Variants in MPHOSPH8 observed in about 807,000 individuals in gnomAD.
MPHOSPH8 encodes the protein M-phase phosphoprotein, mpp.
Under a neutral mutation model 87.3 loss-of-function variants are expected in MPHOSPH8, and 45 were observed. The observed-to-expected ratio is 0.52, with a 90% CI of 0.41 to 0.66. The LOEUF (loss-of-function observed/expected upper bound fraction) is 0.66. MPHOSPH8 is among the 30% of genes least tolerant of loss of function. The pLI, the probability that MPHOSPH8 is intolerant of heterozygous loss-of-function variation, is 0.00. For missense variants in MPHOSPH8, 883 were observed against 1,020.2 expected (o/e 0.87, Z 1.83); for synonymous variants, 366 against 376.9 (o/e 0.97, Z 0.33).
At chr13:19,635,514 G>T (rs1337362933) in intron 1 of MPHOSPH8, among the ~76,000 whole-genome samples, 1 of 152,012 alleles carries the variant, frequency 6.6e-6, no homozygotes. Context: ...GGCGACAGAG[G>T]GAGACTCCGT....
At chr13:19,671,625 G>A (rs1876132021) in intron 13 of MPHOSPH8, among the ~76,000 whole-genome samples, 1 of 152,170 alleles carries the variant, frequency 6.6e-6, no homozygotes, top group Non-Finnish European at 1.5e-5. Flanking sequence ...GGACAAAATA[G>A]TCTCTCTAAT....
rs1003219793 is a variant in MPHOSPH8 at position 19,650,074 on chromosome 13, A to G, written c.1390A>G (p.Asn464Asp). The G allele has an allele frequency of 1.2e-6, 2 of 1,612,446 alleles. No individual in the cohort carries two copies. Among genetic ancestry groups the G allele is most frequent in the African/African-American group, 2.7e-5 (2 of 74,788 alleles). Residue 464 changes from asparagine to aspartate, a missense_variant, in exon 5 of 14, where the codon AAT becomes GAT. By Grantham distance (23) the Asn-to-Asp change is conservative. Transcript: ENST00000361479. ...TPEEKNDVSENNRKREEIPLD... is the reference protein window; with the variant it reads ...TPEEKNDVSEDNRKREEIPLD... Reference sequence around the variant, plus strand: ...AGAAGAAAAAAATGATGTTTCTGAGAATAATCGGAAAAGGGAAGAAATACC... The same window carrying G: ...AGAAGAAAAAAATGATGTTTCTGAGGATAATCGGAAAAGGGAAGAAATACC...
intron 5 of MPHOSPH8, among the ~76,000 whole-genome samples, chr13:19,651,653 C>T (rs575601429): frequency 1.3e-5 from 2 of 152,136 alleles, no homozygotes; most frequent in African/African-American, 2.4e-5. Flanking sequence ...AAGATTGTAC[C>T]TGTGAATAGC....
intron 5 of MPHOSPH8, among the ~76,000 whole-genome samples, chr13:19,655,427 CA>C (rs1484893670): frequency 2.0e-4 from 30 of 152,186 alleles, no homozygotes; most frequent in African/African-American, 7.0e-4. Flanking sequence ...ATGATAACAC[CA>C]CTGTACTCCA....
At chr13:19,666,877 C>G (rs547977094) in intron 10 of MPHOSPH8, among the ~76,000 whole-genome samples, 4 of 152,250 alleles carry the variant, frequency 2.6e-5, no homozygotes, top group African/African-American at 9.6e-5. Flanking sequence ...AACATTTAAA[C>G]TTGGCCGGGC....
chr13:19,650,143 A>C lies in MPHOSPH8; in HGVS notation c.1459A>C (p.Lys487Gln). 6.2e-7 allele frequency: 1 copy of C among 1,614,182 alleles called. No homozygotes were observed. Among genetic ancestry groups the C allele is most frequent in the Non-Finnish European group, 8.5e-7 (1 of 1,180,022 alleles). ...AGACGATCACAAAACCAAGGAAAAC[A>C]AACAGTCACTTAAAGAAAGGAGAAA... ...TIDDHKTKEN[K>Q]QSLKERRNTR... Residue 487 changes from lysine (K) to glutamine (Q), a missense_variant, in exon 5 of 14, where the codon AAA becomes CAA. Transcript: ENST00000361479.
intron 5 of MPHOSPH8, among the ~76,000 whole-genome samples, chr13:19,654,900 A>C (rs926514746): frequency 3.9e-5 from 6 of 152,128 alleles, no homozygotes; most frequent in African/African-American, 1.4e-4. Context: ...GTGAGCTGAG[A>C]TGAAACCATT....
rs759629606 is a variant in MPHOSPH8, at chr13:19,633,909, A to G, written c.161A>G (p.Asp54Gly). ...GAEAFGDSEE[D>G]GEDVFEVEKI... ...GAGGCCTTTGGCGACAGTGAGGAGG[A>G]CGGAGAGGATGTGTTCGAGGTGGAG... Residue 54 changes from aspartate to glycine, a missense_variant, in exon 1 of 14, where the codon GAC becomes GGC. Physicochemically the swap from Asp to Gly is moderately conservative, Grantham distance 94 (BLOSUM62 -1). Transcript: ENST00000361479. The G allele has an allele frequency of 2.5e-6, 4 of 1,611,622 alleles. No homozygotes were observed. In the South Asian group the frequency reaches 3.3e-5, roughly 13 times the overall value.
intron 5 of MPHOSPH8, among the ~76,000 whole-genome samples, chr13:19,652,469 C>T (rs568134767): frequency 1.3e-5 from 2 of 152,304 alleles, no homozygotes; most frequent in African/African-American, 4.8e-5. Context: ...GCTATGCCGC[C>T]AGGGCCCTGG....
At chr13:19,646,362 C>G (rs528394722) in intron 2 of MPHOSPH8, 81 bp from the exon 3 acceptor site, 2 of 1,173,898 alleles carry the variant, frequency 1.7e-6, no homozygotes, top group Non-Finnish European at 2.2e-6. Flanking sequence ...AATATTCTTA[C>G]CAAATTTCAT....
intron 10 of MPHOSPH8, among the ~76,000 whole-genome samples, 153 bp from the exon 11 acceptor site, chr13:19,668,224 C>G (rs1198202030): frequency 6.6e-6 from 1 of 152,198 alleles, no homozygotes; most frequent in Non-Finnish European, 1.5e-5. Flanking sequence ...ACATGGGTGT[C>G]AGGTGCTTGG....
rs1244413323 is a variant in MPHOSPH8, at chr13:19,668,538, C to T, written c.2329+7C>T. 10 of 1,610,462 alleles carry T rather than the reference C, an allele frequency of 6.2e-6. No homozygotes were observed. The Middle Eastern group carries it at 5.0e-4, about 80-fold the overall frequency. ...CCACAGAACATACCAGAAGGTAAGC[C>T]GATGCCTCCCTTCACACTTTTCTAT... On this transcript the variant is annotated splice_region_variant and intron_variant, in intron 11 of 13. Transcript: ENST00000361479.
At chr13:19,662,371 C>T (rs1048776569) in intron 8 of MPHOSPH8, among the ~76,000 whole-genome samples, 2 of 151,982 alleles carry the variant, frequency 1.3e-5, no homozygotes, top group East Asian at 3.9e-4. Context: ...GCAATCCTCT[C>T]GCCTCAGCCT....
At chr13:19,651,624 T>C (rs1874856163) in intron 5 of MPHOSPH8, among the ~76,000 whole-genome samples, 1 of 150,570 alleles carries the variant, frequency 6.6e-6, no homozygotes, top group Admixed American at 6.6e-5. Flanking sequence ...AGCCCAGGAG[T>C]TTGAGGCTAT....
rs927182881 is a variant in MPHOSPH8, at chr13:19,642,422, T to C, written c.369+152T>C. The C allele has an allele frequency of 6.2e-6, 4 of 648,978 alleles. No homozygotes were observed. In the Admixed American group the frequency reaches 1.2e-4, roughly 20 times the overall value. The allele number at this position is 648,978 out of a possible 1,614,324, so 40.2% of individuals were successfully genotyped here. On this transcript the variant is annotated intron_variant, in intron 2 of 13. Transcript: ENST00000361479. ...TGTAGCCAATTCTCACAGACTGCTT[T>C]CAGTGATTTTTGCTGGGTTCTTCTT...
rs1254775253 is a variant in MPHOSPH8 at position 19,650,029 on chromosome 13, GATTT to G, written c.1351_1354del (p.Phe451AsnfsTer2). 1 of 1,598,136 alleles carries G rather than the reference GATTT, an allele frequency of 6.3e-7. No homozygotes were observed. Among genetic ancestry groups the G allele is most frequent in the Non-Finnish European group, 8.5e-7 (1 of 1,172,540 alleles). ...ACTTAAGGAAATCAGAAATGCATTT[GATTT>G]ATTTAAATTAACTCCAGAAGAAAAA... On this transcript the variant is annotated frameshift_variant, in exon 5 of 14. Transcript: ENST00000361479. LOFTEE classifies it high-confidence loss of function.
chr13:19,656,099 C>G (rs1875149458), intron 5 of MPHOSPH8, among the ~76,000 whole-genome samples: 1 of 151,742 alleles, frequency 6.6e-6, no homozygotes, highest in Non-Finnish European at 1.5e-5. Flanking sequence ...AAAACTCCGT[C>G]TCAACAACAA....
At chr13:19,652,550 C>T (rs959659272) in intron 5 of MPHOSPH8, among the ~76,000 whole-genome samples, 8 of 152,102 alleles carry the variant, frequency 5.3e-5, no homozygotes, top group Non-Finnish European at 8.8e-5. Flanking sequence ...TTTTCCATAC[C>T]CCAGTGGCAC....
chr13:19,669,393 G>C (rs1206011972), intron 11 of MPHOSPH8, among the ~76,000 whole-genome samples: 1 of 152,026 alleles, frequency 6.6e-6, no homozygotes, highest in Non-Finnish European at 1.5e-5. Context: ...TGCATTGCCA[G>C]GTATGAGTAC....
Sources: gnomAD v4.1 joint callset for allele counts (sites outside exome capture counted in the v4.1 genomes callset) on GRCh38, gnomAD v4.1.1 for gene constraint, MANE v1.5 for transcripts, NCBI Gene and HGNC (gene_info 2026-07-23, HGNC 2026-07-21) for gene names.